The following ANKRD11 variants were observed in gnomAD, a reference collection of about 807,000 sequenced individuals.
ANKRD11 encodes ankyrin repeat domain-containing protein 11.
ANKRD11 carries 17 observed loss-of-function variants against 195.7 expected under a neutral mutation model. That is an observed-to-expected ratio of 0.09 (90% CI 0.06 to 0.13). The LOEUF (loss-of-function observed/expected upper bound fraction) is 0.13. Ranked by LOEUF, ANKRD11 falls within the 10% of genes least tolerant of loss-of-function variation. The pLI is 1.00. For missense variants in ANKRD11, 3,735 were observed against 3,566.1 expected (o/e 1.05, Z -1.21); for synonymous variants, 1,953 against 1,528.1 (o/e 1.28, Z -6.49).
intron 3 of ANKRD11, among the ~76,000 whole-genome samples, chr16:89,314,717 T>G (rs138146013): frequency 9.2e-4 from 140 of 152,188 alleles, no homozygotes; most frequent in Non-Finnish European, 1.5e-3. Context: ...TTACTGATCT[T>G]CATCAGACCA....
At chr16:89,353,342 C>CA (rs906588650) in intron 2 of ANKRD11, among the ~76,000 whole-genome samples, 26 of 142,038 alleles carry the variant, frequency 1.8e-4, no homozygotes, top group Admixed American at 4.2e-4. Context: ...ACTCCAACTC[C>CA]AAAAAAAAAG....
chr16:89,356,170 G>A (rs1187825194), intron 2 of ANKRD11, among the ~76,000 whole-genome samples: 2 of 152,176 alleles, frequency 1.3e-5, no homozygotes, highest in African/African-American at 4.8e-5. Flanking sequence ...TAATTCTCAC[G>A]TTTCTGATCA....
chr16:89,439,255 G>A (rs1410608496), intron 1 of ANKRD11, among the ~76,000 whole-genome samples: 1 of 152,130 alleles, frequency 6.6e-6, no homozygotes, highest in African/African-American at 2.4e-5. Flanking sequence ...CTGTTTTCCA[G>A]TATAGACAAC....
intron 2 of ANKRD11, among the ~76,000 whole-genome samples, chr16:89,359,360 G>C (rs2039625676): frequency 6.6e-6 from 1 of 152,128 alleles, no homozygotes. Context: ...CCTTTAAAAA[G>C]CAGACTCCCA....
chr16:89,407,273 A>G (rs528380600), intron 2 of ANKRD11, among the ~76,000 whole-genome samples: 2 of 152,168 alleles, frequency 1.3e-5, no homozygotes, highest in African/African-American at 4.8e-5. Flanking sequence ...TGACAGAAAA[A>G]GACTCATATT....
intron 2 of ANKRD11, among the ~76,000 whole-genome samples, chr16:89,404,471 A>T (rs1249185502): frequency 2.0e-5 from 3 of 152,210 alleles, no homozygotes; most frequent in Non-Finnish European, 4.4e-5. Context: ...ATAGCCACAA[A>T]ATATTATTTT....
intron 2 of ANKRD11, among the ~76,000 whole-genome samples, chr16:89,384,924 C>G (rs2040844523): frequency 1.1e-5 from 1 of 93,714 alleles, no homozygotes; most frequent in Non-Finnish European, 2.1e-5. Flanking sequence ...ACGTTTCTGT[C>G]GCCCAGGCTG....
rs71374105 is a variant in ANKRD11 at position 89,323,538 on chromosome 16, T to A, written c.-59-6460A>T. 2.0e-3 allele frequency among the ~76,000 whole-genome samples: 55 copies of A among 27,740 alleles called. 2 individuals are homozygous for A. Among genetic ancestry groups the A allele is most frequent in the African/African-American group, 6.8e-3 (45 of 6,602 alleles). 18.2% of individuals were successfully genotyped at this position (27,740 alleles called of 152,430 possible). A position where few individuals can be genotyped will look rare whatever the true frequency, so the allele number is the denominator to read the frequency against. On this transcript the variant is annotated intron_variant, in intron 2 of 12. Transcript: ENST00000301030. The stretch of plus-strand genomic sequence containing the variant: ...GGGGCTGAGCCGAGGGCAGGGGGGC[T>A]GAGCCGAGGGCAGGGGGTCTGAGCT...
At chr16:89,350,711 G>A (rs1225355206) in intron 2 of ANKRD11, among the ~76,000 whole-genome samples, 1 of 152,228 alleles carries the variant, frequency 6.6e-6, no homozygotes, top group Non-Finnish European at 1.5e-5. Context: ...TCTGTATCAT[G>A]ACTGTGATGG....
intron 2 of ANKRD11, among the ~76,000 whole-genome samples, chr16:89,395,430 GAC>G (rs936224308): frequency 1.1e-4 from 17 of 152,246 alleles, no homozygotes; most frequent in Non-Finnish European, 2.4e-4. Flanking sequence ...AAAGAGAGGA[GAC>G]AGCGCTGGGA....
In ANKRD11 at chr16:89,295,985, CTTTTT is replaced by C. The variant is rs60214636; in HGVS notation, c.227-4807_227-4803del. 1.4e-3 allele frequency among the ~76,000 whole-genome samples: 61 copies of C among 45,142 alleles called. 2 individuals are homozygous for C. The highest frequency in any genetic ancestry group is 2.1e-3 in the Non-Finnish European group (57 of 27,160). 29.6% of individuals were successfully genotyped at this position (45,142 alleles called of 152,430 possible). A position where few individuals can be genotyped will look rare whatever the true frequency, so the allele number is the denominator to read the frequency against. On this transcript the variant is annotated intron_variant, in intron 4 of 12. Coordinates refer to ENST00000301030, the MANE Select transcript of ANKRD11 (RefSeq NM_013275.6). ...GGGAGTGTCTTCTCTATCTGGCTGC[CTTTTT>C]TTTTTTTTTTTTTTTTGAGACAAGG... is the stretch of plus-strand genomic sequence containing the variant.
intron 6 of ANKRD11, 66 bp from the exon 7 acceptor site, chr16:89,288,736 A>C: frequency 6.2e-7 from 1 of 1,611,344 alleles, no homozygotes; most frequent in Non-Finnish European, 8.5e-7. Flanking sequence ...CTCTGGAGGC[A>C]GCGCCCTGAG....
intron 2 of ANKRD11, among the ~76,000 whole-genome samples, chr16:89,382,029 G>A (rs1278458642): frequency 4.6e-5 from 7 of 152,180 alleles, no homozygotes; most frequent in Non-Finnish European, 8.8e-5. Context: ...CAGCCAGCAC[G>A]ACTGTCCAGG....
At chr16:89,465,392 G>A (rs2056846958) in intron 1 of ANKRD11, among the ~76,000 whole-genome samples, 1 of 152,174 alleles carries the variant, frequency 6.6e-6, no homozygotes, top group Non-Finnish European at 1.5e-5. Flanking sequence ...TCATGAATTA[G>A]ACTGGCGTTG....
At chr16:89,388,784 C>T (rs1303036947) in intron 2 of ANKRD11, among the ~76,000 whole-genome samples, 3 of 152,198 alleles carry the variant, frequency 2.0e-5, no homozygotes, top group African/African-American at 7.2e-5. Flanking sequence ...TCCCTGTCCG[C>T]AGCCCTGGGA....
intron 11 of ANKRD11, chr16:89,271,550 G>C (rs1211324093): frequency 6.2e-6 from 1 of 160,372 alleles, no homozygotes; most frequent in East Asian, 1.8e-4. Context: ...AATGCCGTCT[G>C]TTTCTCAGAA....
At chr16:89,328,171 CG>C (rs2037836235) in intron 2 of ANKRD11, among the ~76,000 whole-genome samples, 1 of 152,138 alleles carries the variant, frequency 6.6e-6, no homozygotes, top group Non-Finnish European at 1.5e-5. Context: ...GCACACCAAT[CG>C]GAACAGCTAA....
At chr16:89,374,308 A>C (rs763374160) in intron 2 of ANKRD11, among the ~76,000 whole-genome samples, 1 of 152,180 alleles carries the variant, frequency 6.6e-6, no homozygotes, top group Non-Finnish European at 1.5e-5. Context: ...AGCCGAGGTC[A>C]GCGAGTTATG....
intron 4 of ANKRD11, among the ~76,000 whole-genome samples, chr16:89,296,864 C>T (rs1158191571): frequency 6.6e-6 from 1 of 152,074 alleles, no homozygotes; most frequent in Non-Finnish European, 1.5e-5. Context: ...CAAATGCCAG[C>T]CCCACCAGAG....
Sources: gnomAD v4.1 joint callset for allele counts (sites outside exome capture counted in the v4.1 genomes callset) on GRCh38, gnomAD v4.1.1 for gene constraint, MANE v1.5 for transcripts, NCBI Gene and HGNC (gene_info 2026-07-23, HGNC 2026-07-21) for gene names.